EYS: variants seen among roughly 807,000 people sequenced by gnomAD.
The protein encoded by EYS is protein eyes shut homolog.
A neutral mutation model predicts 282.1 loss-of-function variants in EYS; 250 were observed. The observed-to-expected ratio is 0.89, with a 90% CI of 0.80 to 0.98. The LOEUF is 0.98. EYS is among the 50% of genes least tolerant of loss of function. EYS has a pLI of 0.00. For missense variants in EYS, 4,016 were observed against 3,709.0 expected, an observed-to-expected ratio of 1.08 and a Z score of -2.15; for synonymous variants, 1,355 against 1,282.9, an observed-to-expected ratio of 1.06 and a Z score of -1.20.
rs149235940 is a variant in EYS at position 64,964,234 on chromosome 6, T to C, written c.2260-18320A>G. Among the ~76,000 whole-genome samples the C allele has an allele frequency of 1.0e-2, 1,518 of 152,246 alleles. 27 individuals are homozygous for C. The highest frequency in any genetic ancestry group is 0.034 in the African/African-American group (1,416 of 41,568). On this transcript the variant is annotated intron_variant, in intron 14 of 42. Transcript: ENST00000503581. ...TCTCGATATGTATTCATGTAAATTA[T>C]GAAGGAATTTTTATTTCCTCTTTAA...
chr6:63,769,902 T>C (rs997466594), intron 40 of EYS, among the ~76,000 whole-genome samples: 8 of 152,096 alleles, frequency 5.3e-5, no homozygotes, highest in African/African-American at 9.6e-5. Context: ...AATGAGATAA[T>C]AGAAGATTTA....
At chr6:65,448,259 G>A (rs1341216310) in intron 5 of EYS, among the ~76,000 whole-genome samples, 1 of 151,900 alleles carries the variant, frequency 6.6e-6, no homozygotes, top group Non-Finnish European at 1.5e-5. Context: ...CGGCATTAAG[G>A]GCCAACGTGA....
At chr6:65,527,807 T>C (rs1157682503) in intron 2 of EYS, among the ~76,000 whole-genome samples, 14 of 151,474 alleles carry the variant, frequency 9.2e-5, no homozygotes, top group African/African-American at 3.4e-4. Context: ...GGTTTGATTT[T>C]CCACACATGG....
At chr6:65,442,456 A>C (rs1768370853) in intron 5 of EYS, among the ~76,000 whole-genome samples, 1 of 151,914 alleles carries the variant, frequency 6.6e-6, no homozygotes, top group Admixed American at 6.6e-5. Context: ...GTTTTTCATA[A>C]ATTTTAAAAA....
chr6:63,876,443 A>C (rs921843013), intron 35 of EYS, among the ~76,000 whole-genome samples: 1 of 152,218 alleles, frequency 6.6e-6, no homozygotes, highest in Non-Finnish European at 1.5e-5. Context: ...AAGAATGTAC[A>C]TTCTGTTGAT....
intron 22 of EYS, among the ~76,000 whole-genome samples, chr6:64,673,008 A>G (rs1171672490): frequency 2.6e-5 from 4 of 152,142 alleles, no homozygotes; most frequent in Admixed American, 2.6e-4. Context: ...CTTCCGCATA[A>G]CTTCTATCTT....
At chr6:65,514,826 C>T (rs1418909133) in intron 2 of EYS, among the ~76,000 whole-genome samples, 1 of 152,122 alleles carries the variant, frequency 6.6e-6, no homozygotes, top group Non-Finnish European at 1.5e-5. Flanking sequence ...AGACCTAAAA[C>T]CATAAAAACC....
At chr6:64,879,694 G>C (rs1238526567) in intron 19 of EYS, among the ~76,000 whole-genome samples, 1 of 151,896 alleles carries the variant, frequency 6.6e-6, no homozygotes, top group African/African-American at 2.4e-5. Flanking sequence ...AATTAGAGAG[G>C]AATATTGATA....
At chr6:65,006,292 G>A (rs1179108445) in intron 13 of EYS, among the ~76,000 whole-genome samples, 5 of 151,608 alleles carry the variant, frequency 3.3e-5, no homozygotes, top group African/African-American at 1.2e-4. Context: ...TCATTTAAAA[G>A]CCAGGGTAAA....
In EYS at chr6:64,787,037, C is replaced by T. The variant is rs115496458; in HGVS notation, c.3443+26341G>A. On this transcript the variant is annotated intron_variant, in intron 22 of 42. Transcript: ENST00000503581. The stretch of plus-strand genomic sequence containing the variant: ...TTGGCAATAGCATGCAATCCAATTG[C>T]TCTTGAAGCTACTATTTCCCTCGCG... Among the ~76,000 whole-genome samples the T allele has an allele frequency of 7.5e-3, 1,139 of 152,306 alleles. 13 individuals are homozygous for T. The highest frequency in any genetic ancestry group is 0.025 in the African/African-American group (1,048 of 41,568).
At chr6:65,527,846 T>C (rs1448734409) in intron 2 of EYS, among the ~76,000 whole-genome samples, 1 of 152,152 alleles carries the variant, frequency 6.6e-6, no homozygotes, top group Non-Finnish European at 1.5e-5. Flanking sequence ...TAGTTAAGGG[T>C]TACAAAGTAA....
Position 64,847,502 on chromosome 6 carries a change from A to G in EYS, c.2993-24680T>C, listed in dbSNP as rs111674140. On this transcript the variant is annotated intron_variant, in intron 19 of 42. Transcript: ENST00000503581. ...TCTTTAATTATCTTTTCAGCAGCAC[A>G]GTTTAGAAAAGTCTGAGTAATCTAT... 1.7e-3 allele frequency among the ~76,000 whole-genome samples: 265 copies of G among 152,164 alleles called. 2 individuals are homozygous for G. Among genetic ancestry groups the G allele is most frequent in the Middle Eastern group, 6.8e-3 (2 of 294 alleles).
In EYS at chr6:65,345,682, T is replaced by C. The variant is rs573884930; in HGVS notation, c.1460-1505A>G. Among the ~76,000 whole-genome samples the C allele has an allele frequency of 3.8e-4, 58 of 151,802 alleles. No homozygotes were observed. The Middle Eastern group carries it at 0.01, about 27-fold the overall frequency. On this transcript the variant is annotated intron_variant, in intron 9 of 42. Coordinates refer to ENST00000503581, the MANE Select transcript of EYS (RefSeq NM_001142800.2). The stretch of plus-strand genomic sequence containing the variant: ...TAGTATAAAGTTTTTCATAATGATA[T>C]ATCTGACTAAACATTAGGATTTAAC...
intron 7 of EYS, among the ~76,000 whole-genome samples, chr6:65,395,144 A>G (rs1422086649): frequency 6.6e-6 from 1 of 152,180 alleles, no homozygotes; most frequent in Non-Finnish European, 1.5e-5. Context: ...GCTCACCGCA[A>G]CCTCTGCCTC....
At chr6:64,488,125 C>CA (rs1371013962) in intron 26 of EYS, among the ~76,000 whole-genome samples, 1 of 150,638 alleles carries the variant, frequency 6.6e-6, no homozygotes, top group Non-Finnish European at 1.5e-5. Flanking sequence ...GACCTATTTT[C>CA]AAAAAAGGAT....
chr6:65,624,021 TAGGCAGAC>T (rs960948070), intron 2 of EYS, among the ~76,000 whole-genome samples: 2 of 152,182 alleles, frequency 1.3e-5, no homozygotes, highest in African/African-American at 2.4e-5. Flanking sequence ...GATAGATAGA[TAGGCAGAC>T]AGGCAGATAT....
intron 4 of EYS, chr6:65,491,386 C>T (rs1766037651): frequency 6.5e-6 from 2 of 307,090 alleles, no homozygotes; most frequent in African/African-American, 4.4e-5. Flanking sequence ...TTGAAAATCC[C>T]AGGGCATAGC....
chr6:64,744,845 T>G (rs1772734602), intron 22 of EYS, among the ~76,000 whole-genome samples: 1 of 152,180 alleles, frequency 6.6e-6, no homozygotes, highest in Non-Finnish European at 1.5e-5. Context: ...TGACAAAAAT[T>G]GCACACTAAA....
At chr6:64,180,456 G>T (rs1485092505) in intron 31 of EYS, among the ~76,000 whole-genome samples, 1 of 152,054 alleles carries the variant, frequency 6.6e-6, no homozygotes, top group East Asian at 1.9e-4. Context: ...TAGGCTTGTG[G>T]ATGTGCAGGT....
Sources: gnomAD v4.1 joint callset for allele counts (sites outside exome capture counted in the v4.1 genomes callset) on GRCh38, gnomAD v4.1.1 for gene constraint, MANE v1.5 for transcripts, NCBI Gene and HGNC (gene_info 2026-07-23, HGNC 2026-07-21) for gene names.